Variants in NYAP2 observed in about 807,000 individuals in gnomAD.
The protein encoded by NYAP2 is neuronal tyrosine-phosphorylated phosphoinositide-3-kinase adaptor 2, also known as neuronal tyrosine-phosphorylated phosphoinositide-3-kinase adapter 2.
A neutral mutation model predicts 50.4 loss-of-function variants in NYAP2; 23 were observed. The ratio of observed to expected loss-of-function variants is 0.46; its 90% confidence interval spans 0.33 to 0.65. The LOEUF (loss-of-function observed/expected upper bound fraction) is 0.65, where lower values mean the gene tolerates loss of function less well. NYAP2 is among the 30% of genes least tolerant of loss of function. NYAP2 has a pLI of 0.02. For missense variants in NYAP2, 885 were observed against 861.0 expected (o/e 1.03, Z -0.35); for synonymous variants, 394 against 365.2 (o/e 1.08, Z -0.90).
At chr2:225,647,709 T>A (rs1693658422) in intron 6 of NYAP2, among the ~76,000 whole-genome samples, 1 of 151,854 alleles carries the variant, frequency 6.6e-6, no homozygotes, top group African/African-American at 2.4e-5. Context: ...ATTAGGTGGT[T>A]CCTACCGGCA....
At chr2:225,595,454 A>T (rs1159442672) in intron 5 of NYAP2, among the ~76,000 whole-genome samples, 1 of 152,250 alleles carries the variant, frequency 6.6e-6, no homozygotes, top group Non-Finnish European at 1.5e-5. Context: ...CATTCTGGAC[A>T]TCCAAATTGT....
At chr2:225,640,175 C>T (rs1693502582) in intron 6 of NYAP2, among the ~76,000 whole-genome samples, 1 of 152,114 alleles carries the variant, frequency 6.6e-6, no homozygotes, top group Admixed American at 6.5e-5. Flanking sequence ...AACAGGCTGC[C>T]CCAAATAACC....
intron 4 of NYAP2, among the ~76,000 whole-genome samples, chr2:225,535,953 A>G (rs1574664136): frequency 6.6e-6 from 1 of 152,336 alleles, no homozygotes; most frequent in African/African-American, 2.4e-5. Context: ...CCTAGACTCT[A>G]TATAAACACT....
chr2:225,526,285 G>A (rs1471804330), intron 4 of NYAP2, among the ~76,000 whole-genome samples: 1 of 152,164 alleles, frequency 6.6e-6, no homozygotes, highest in African/African-American at 2.4e-5. Context: ...AAAGTTTCTA[G>A]ACAGAGAAAA....
chr2:225,579,094 G>GGAGAGAGA (rs34026452), intron 4 of NYAP2, among the ~76,000 whole-genome samples: 9 of 147,424 alleles, frequency 6.1e-5, no homozygotes, highest in East Asian at 2.0e-4. Context: ...AGAAGAGAGG[G>GGAGAGAGA]GAGAGAGAGA....
downstream of NYAP2, among the ~76,000 whole-genome samples, chr2:225,654,569 A>G (rs1693793826): frequency 6.6e-6 from 1 of 152,006 alleles, no homozygotes. Context: ...CTGTAATCCC[A>G]GCTACTTGGG....
chr2:225,543,674 C>T (rs1215957033), intron 4 of NYAP2, among the ~76,000 whole-genome samples: 1 of 151,948 alleles, frequency 6.6e-6, no homozygotes, highest in Non-Finnish European at 1.5e-5. Flanking sequence ...TGTTTTGTGA[C>T]CTATCATATG....
intron 6 of NYAP2, among the ~76,000 whole-genome samples, chr2:225,636,592 G>C (rs570939115): frequency 2.0e-5 from 3 of 151,594 alleles, no homozygotes; most frequent in Admixed American, 6.6e-5. Context: ...ACATGCACAC[G>C]TATGGTAATG....
At chr2:225,446,246 C>CTCTCTCTCTCTCTATATA (rs1239402824) in intron 3 of NYAP2, among the ~76,000 whole-genome samples, 1 of 82,272 alleles carries the variant, frequency 1.2e-5, no homozygotes, top group African/African-American at 5.9e-5. Context: ...CTCTCTCTCT[C>CTCTCTCTCTCTCTATATA]TATATATATA....
the NYAP2 span, among the ~76,000 whole-genome samples, chr2:225,695,615 CTG>C: frequency 1.3e-5 from 2 of 151,482 alleles, no homozygotes; most frequent in Non-Finnish European, 2.9e-5. Context: ...TCTGGGAATT[CTG>C]TGTTATAAAT....
chr2:225,483,658 C>T (rs1690244493), intron 3 of NYAP2, among the ~76,000 whole-genome samples: 1 of 152,116 alleles, frequency 6.6e-6, no homozygotes, highest in South Asian at 2.1e-4. Context: ...CTAAATAAAA[C>T]ATACTGCTCA....
At chr2:225,559,694 A>G (rs998423439) in intron 4 of NYAP2, among the ~76,000 whole-genome samples, 1 of 152,080 alleles carries the variant, frequency 6.6e-6, no homozygotes, top group Admixed American at 6.6e-5. Flanking sequence ...CACAAACAAA[A>G]TATTAAAATA....
exon 4 of NYAP2, chr2:225,513,518 G>A (rs760795529): frequency 1.7e-5 from 27 of 1,613,724 alleles, no homozygotes; most frequent in Non-Finnish European, 2.1e-5. Context: ...CCCTGCACTC[G>A]GTTGGGGGCA....
At chr2:225,613,180 A>G (rs1692929642) in intron 5 of NYAP2, among the ~76,000 whole-genome samples, 1 of 152,188 alleles carries the variant, frequency 6.6e-6, no homozygotes, top group Admixed American at 6.5e-5. Context: ...GGAAGCCTAC[A>G]GTGCAGGCTT....
intron 3 of NYAP2, among the ~76,000 whole-genome samples, chr2:225,475,470 T>C (rs1373899548): frequency 1.3e-5 from 2 of 152,206 alleles, no homozygotes; most frequent in Admixed American, 6.5e-5. Context: ...TTTCATTTGA[T>C]GTATATGAGT....
chr2:225,557,106 T>C (rs543746336), intron 4 of NYAP2, among the ~76,000 whole-genome samples: 4 of 152,294 alleles, frequency 2.6e-5, no homozygotes, highest in East Asian at 3.9e-4. Context: ...TCTAATTTCA[T>C]TGGTCAAAGG....
chr2:225,519,920 C>A (rs12464463), intron 4 of NYAP2, among the ~76,000 whole-genome samples: 4 of 151,786 alleles, frequency 2.6e-5, no homozygotes, highest in African/African-American at 9.7e-5. Flanking sequence ...TCTCCACATC[C>A]TCTCCAGCAC....
At chr2:225,640,759 T>A (rs757428485) in intron 6 of NYAP2, among the ~76,000 whole-genome samples, 2 of 152,200 alleles carry the variant, frequency 1.3e-5, no homozygotes, top group Non-Finnish European at 2.9e-5. Flanking sequence ...AGTCAGCTAA[T>A]TACCTGTTAC....
chr2:225,470,908 C>T (rs72974562), intron 3 of NYAP2, among the ~76,000 whole-genome samples: 1,986 of 152,168 alleles, frequency 0.013, 18 homozygotes, highest in Admixed American at 0.024. Context: ...ACCTCAGCCT[C>T]CTTCCCAGCT....
Sources: gnomAD v4.1 joint callset for allele counts (sites outside exome capture counted in the v4.1 genomes callset) on GRCh38, gnomAD v4.1.1 for gene constraint, MANE v1.5 for transcripts, NCBI Gene and HGNC (gene_info 2026-07-23, HGNC 2026-07-21) for gene names.